SAMD5: variants seen among roughly 807,000 people sequenced by gnomAD.
SAMD5 encodes sterile alpha motif domain-containing protein 5.
A neutral mutation model predicts 11.3 loss-of-function variants in SAMD5; 13 were observed. That is an observed-to-expected ratio of 1.15 (90% confidence interval 0.75 to 1.83). The LOEUF (loss-of-function observed/expected upper bound fraction) is 1.83. Among genes scored for constraint, SAMD5 ranks in the 40% most tolerant of loss-of-function variants. The pLI, the probability that SAMD5 is intolerant of heterozygous loss-of-function variation, is 0.00. For missense variants in SAMD5, 255 were observed against 239.1 expected (o/e 1.07, Z -0.44); for synonymous variants, 129 against 111.3 (o/e 1.16, Z -1.00).
chr6:147,544,149 AT>A (rs1370835750), intron 1 of SAMD5, among the ~76,000 whole-genome samples: 2 of 152,162 alleles, frequency 1.3e-5, no homozygotes, highest in African/African-American at 4.8e-5. Context: ...AGAAGATTTG[AT>A]TTTAGTGAGC....
the SAMD5 span, among the ~76,000 whole-genome samples, chr6:147,916,861 C>T: frequency 2.6e-4 from 40 of 151,044 alleles, no homozygotes; most frequent in East Asian, 6.5e-3. Flanking sequence ...CCAATTTCAT[C>T]CATGTCCCTA....
At chr6:147,544,100 C>A (rs887779863) in intron 1 of SAMD5, among the ~76,000 whole-genome samples, 2 of 152,046 alleles carry the variant, frequency 1.3e-5, no homozygotes, top group African/African-American at 4.8e-5. Flanking sequence ...AGGGCTGTAA[C>A]CCCCATTGTG....
At chr6:147,667,049 G>A (rs927052376) in intron 1 of SAMD5, among the ~76,000 whole-genome samples, 1 of 152,088 alleles carries the variant, frequency 6.6e-6, no homozygotes, top group African/African-American at 2.4e-5. Context: ...GAGCCCTTCT[G>A]GTTGGAAATT....
In SAMD5 at chr6:147,722,053, T is replaced by C. The variant is rs530809519; in HGVS notation, c.163-15264T>C. 2.2e-4 allele frequency among the ~76,000 whole-genome samples: 33 copies of C among 152,324 alleles called. No homozygotes were observed. In the South Asian group the frequency reaches 6.4e-3, roughly 30 times the overall value. Reference sequence around the variant, plus strand: ...GTATTATTTCCTGTGAATAGAGAAATGCAGAAAATTTATGCCAATATGCCT... The same window carrying C: ...GTATTATTTCCTGTGAATAGAGAAACGCAGAAAATTTATGCCAATATGCCT... On this transcript the variant is annotated intron_variant, in intron 1 of 1. Coordinates refer to the SAMD5 transcript ENST00000566741.
Position 147,569,954 on chromosome 6 carries a change from A to G in SAMD5, c.*5498A>G, listed in dbSNP as rs1264050780. 1 of 984,134 alleles carries G rather than the reference A, an allele frequency of 1.0e-6. No homozygotes were observed. Among genetic ancestry groups the G allele is most frequent in the Non-Finnish European group, 1.2e-6 (1 of 828,816 alleles). The allele number at this position is 984,134 out of a possible 1,614,324, so 61.0% of individuals were successfully genotyped here. A position where few individuals can be genotyped will look rare whatever the true frequency, so the allele number is the denominator to read the frequency against. ...AATAGCATTATGAACCATGTAATGC[A>G]TGCCCATGCACACTGTGATTTGCAA... On this transcript the variant is annotated 3_prime_UTR_variant, in exon 2 of 2. Transcript: ENST00000367474.
intron 1 of SAMD5, among the ~76,000 whole-genome samples, chr6:147,539,762 G>A (rs1788570179): frequency 6.6e-6 from 1 of 150,666 alleles, no homozygotes; most frequent in South Asian, 2.1e-4. Context: ...CTTTTTTCTA[G>A]AAAAACAAGT....
Position 147,569,539 on chromosome 6 carries a change from T to TA in SAMD5, c.*5085dup. 1.1e-6 allele frequency: 1 copy of TA among 894,154 alleles called. No individual in the cohort carries two copies. The highest frequency in any genetic ancestry group is 1.3e-6 in the Non-Finnish European group (1 of 746,780). 55.4% of individuals were successfully genotyped at this position (894,154 alleles called of 1,614,324 possible). A position where few individuals can be genotyped will look rare whatever the true frequency, so the allele number is the denominator to read the frequency against. On this transcript the variant is annotated 3_prime_UTR_variant, in exon 2 of 2. Transcript: ENST00000367474. ...ATAGGTATATTCTGTATAATACCCT[T>TA]AATTAGATGAATTATCCCTTATCAT...
At chr6:147,797,590 G>C in the SAMD5 span, among the ~76,000 whole-genome samples, 2 of 116,786 alleles carry the variant, frequency 1.7e-5, no homozygotes, top group Non-Finnish European at 3.4e-5. Context: ...CATAAAATGA[G>C]TTAGGGAGGA....
At chr6:147,592,646 G>C (rs544081449) in intron 1 of SAMD5, among the ~76,000 whole-genome samples, 1 of 152,014 alleles carries the variant, frequency 6.6e-6, no homozygotes, top group Non-Finnish European at 1.5e-5. Flanking sequence ...TGATGGTGAT[G>C]ATGATGAACA....
At chr6:147,659,050 A>G (rs1790609867) in intron 1 of SAMD5, among the ~76,000 whole-genome samples, 1 of 152,220 alleles carries the variant, frequency 6.6e-6, no homozygotes, top group African/African-American at 2.4e-5. Context: ...CATCCTCTCA[A>G]AGGCAAACTT....
At chr6:147,639,259 T>C (rs536540551) in intron 1 of SAMD5, among the ~76,000 whole-genome samples, 2 of 152,168 alleles carry the variant, frequency 1.3e-5, no homozygotes, top group African/African-American at 4.8e-5. Context: ...TAAGAAAATA[T>C]AAAAGAACAA....
the SAMD5 span, among the ~76,000 whole-genome samples, chr6:147,885,947 T>C: frequency 6.6e-6 from 1 of 152,282 alleles, no homozygotes; most frequent in East Asian, 1.9e-4. Flanking sequence ...ATTATACAAA[T>C]AGTTTCAAAG....
intron 1 of SAMD5, among the ~76,000 whole-genome samples, chr6:147,647,004 AT>A (rs1483552903): frequency 1.3e-4 from 18 of 135,138 alleles, no homozygotes; most frequent in African/African-American, 4.3e-4. Flanking sequence ...AATAATAATA[AT>A]AATAATAATA....
chr6:147,917,003 G>T, the SAMD5 span, among the ~76,000 whole-genome samples: 7 of 147,428 alleles, frequency 4.7e-5, no homozygotes, highest in African/African-American at 1.5e-4. Flanking sequence ...TGTGAATAGT[G>T]CCACAATAAA....
intron 1 of SAMD5, among the ~76,000 whole-genome samples, chr6:147,634,447 C>T (rs1457395286): frequency 6.6e-6 from 1 of 152,106 alleles, no homozygotes; most frequent in African/African-American, 2.4e-5. Flanking sequence ...CCCATCAGGC[C>T]CCTCCTCCCT....
intron 1 of SAMD5, among the ~76,000 whole-genome samples, chr6:147,610,163 G>T (rs534265149): frequency 6.6e-6 from 1 of 152,264 alleles, no homozygotes; most frequent in Admixed American, 6.5e-5. Flanking sequence ...GCGTGTTCAG[G>T]TTTCCATTTA....
chr6:147,539,023 T>C (rs895504870), intron 1 of SAMD5, among the ~76,000 whole-genome samples: 1 of 152,176 alleles, frequency 6.6e-6, no homozygotes, highest in Non-Finnish European at 1.5e-5. Context: ...AGTTTTGTAA[T>C]TGGATTACTG....
At chr6:147,576,929 T>C (rs1278911372) in intron 1 of SAMD5, among the ~76,000 whole-genome samples, 7 of 152,212 alleles carry the variant, frequency 4.6e-5, no homozygotes, top group African/African-American at 1.7e-4. Flanking sequence ...GCCTTACAGA[T>C]TCTAAGAGGA....
chr6:147,643,540 A>G (rs1009527523), intron 1 of SAMD5, among the ~76,000 whole-genome samples: 1 of 152,162 alleles, frequency 6.6e-6, no homozygotes, highest in African/African-American at 2.4e-5. Context: ...AGGGAAGAGA[A>G]ATACAATCTC....
Sources: allele counts gnomAD v4.1 joint callset (sites outside exome capture counted in the v4.1 genomes callset), GRCh38; gene constraint gnomAD v4.1.1; transcripts MANE v1.5; gene names NCBI Gene and HGNC (gene_info 2026-07-23, HGNC 2026-07-21).